The following CCNY variants were observed in gnomAD, a reference collection of about 807,000 sequenced individuals.
CCNY encodes cyclin-Y.
Under a neutral mutation model 42.8 loss-of-function variants are expected in CCNY, and 19 were observed. That is an observed-to-expected ratio of 0.44 (90% CI 0.31 to 0.65). The LOEUF (loss-of-function observed/expected upper bound fraction) is 0.65. Among genes scored for constraint, CCNY ranks in the 30% least tolerant of loss-of-function variants. The pLI is 0.07. For synonymous variants in CCNY, 165 were observed against 162.7 expected (o/e 1.01, Z -0.11); for missense variants, 370 against 437.3 (o/e 0.85, Z 1.37).
intron 1 of CCNY, among the ~76,000 whole-genome samples, chr10:35,368,988 C>T (rs979520765): frequency 6.6e-6 from 1 of 152,192 alleles, no homozygotes; most frequent in Non-Finnish European, 1.5e-5. Context: ...CTCCACTTTT[C>T]TGGTGTACAG....
intron 8 of CCNY, among the ~76,000 whole-genome samples, chr10:35,560,002 G>A (rs1841435157): frequency 6.9e-6 from 1 of 145,744 alleles, no homozygotes; most frequent in African/African-American, 2.8e-5. Context: ...TCTTTCTTTT[G>A]GAAGGAAAGG....
chr10:35,379,982 C>G (rs1783413048), intron 1 of CCNY, among the ~76,000 whole-genome samples: 1 of 152,132 alleles, frequency 6.6e-6, no homozygotes, highest in Admixed American at 6.5e-5. Context: ...CCACTCAGCG[C>G]AGTAAAAAAA....
chr10:35,557,903 G>C (rs1189778197), intron 8 of CCNY, among the ~76,000 whole-genome samples: 1 of 152,200 alleles, frequency 6.6e-6, no homozygotes, highest in African/African-American at 2.4e-5. Flanking sequence ...CTGAGCATCA[G>C]TTTTATTCCC....
chr10:35,483,930 C>T (rs1327503585), intron 2 of CCNY, among the ~76,000 whole-genome samples: 1 of 151,996 alleles, frequency 6.6e-6, no homozygotes, highest in Non-Finnish European at 1.5e-5. Context: ...CAGATGTTTT[C>T]TTTCTCTTTT....
chr10:35,473,184 T>C (rs778521441), intron 1 of CCNY, among the ~76,000 whole-genome samples: 2 of 152,182 alleles, frequency 1.3e-5, no homozygotes, highest in Non-Finnish European at 2.9e-5. Context: ...CCTGAATCAA[T>C]TGTAATTTTG....
At chr10:35,343,382 CTTTTTT>C (rs9299720) in intron 1 of CCNY, among the ~76,000 whole-genome samples, 2 of 85,902 alleles carry the variant, frequency 2.3e-5, no homozygotes, top group Non-Finnish European at 4.2e-5. Context: ...AGCTGATGGT[CTTTTTT>C]TTTTTTTTTT....
intron 4 of CCNY, 97 bp downstream of exon 4, chr10:35,516,720 C>A: frequency 1.4e-6 from 1 of 721,534 alleles, no homozygotes; most frequent in Non-Finnish European, 2.1e-6. Context: ...GTTCCTTAAC[C>A]TGACAGCTAA....
At chr10:35,435,642 C>T (rs1422906143) in intron 1 of CCNY, among the ~76,000 whole-genome samples, 1 of 152,200 alleles carries the variant, frequency 6.6e-6, no homozygotes, top group African/African-American at 2.4e-5. Context: ...TGTGTTCTTT[C>T]TGGGTTACCT....
chr10:35,270,638 C>T (rs184512787), intron 3 of CCNY, among the ~76,000 whole-genome samples: 2 of 152,252 alleles, frequency 1.3e-5, no homozygotes, highest in East Asian at 1.9e-4. Context: ...GCCAATCATG[C>T]TGTCGCTTTT....
intron 3 of CCNY, among the ~76,000 whole-genome samples, chr10:35,294,146 A>G (rs930577453): frequency 2.0e-5 from 3 of 152,202 alleles, no homozygotes; most frequent in African/African-American, 7.2e-5. Context: ...CTCATAGCTT[A>G]GTTTTAAGGC....
intron 4 of CCNY, 59 bp downstream of exon 4, chr10:35,516,682 T>A (rs1366106618): frequency 9.3e-7 from 1 of 1,070,344 alleles, no homozygotes. Flanking sequence ...TTTTTTTTTT[T>A]TTTTTTACTT....
chr10:35,513,355 A>C (rs139940823), intron 3 of CCNY, among the ~76,000 whole-genome samples: 1 of 152,326 alleles, frequency 6.6e-6, no homozygotes, highest in African/African-American at 2.4e-5. Context: ...CAAGACACTT[A>C]CTGTATTTGG....
At chr10:35,278,490 G>A (rs1835263832) in intron 3 of CCNY, among the ~76,000 whole-genome samples, 1 of 152,072 alleles carries the variant, frequency 6.6e-6, no homozygotes, top group African/African-American at 2.4e-5. Context: ...CTTAGAGTCT[G>A]CTTCCCAGGA....
At chr10:35,528,655 G>A (rs1014332916) in intron 5 of CCNY, among the ~76,000 whole-genome samples, 2 of 152,202 alleles carry the variant, frequency 1.3e-5, no homozygotes, top group African/African-American at 2.4e-5. Context: ...AACCCGGGAG[G>A]TGGAGGTTGC....
At chr10:35,559,515 A>G (rs1054196460) in intron 8 of CCNY, among the ~76,000 whole-genome samples, 1 of 152,236 alleles carries the variant, frequency 6.6e-6, no homozygotes, top group Non-Finnish European at 1.5e-5. Context: ...CCATATGGCA[A>G]AAAAATGGGA....
intron 1 of CCNY, among the ~76,000 whole-genome samples, chr10:35,345,948 A>G (rs372261195): frequency 6.6e-6 from 1 of 152,160 alleles, no homozygotes; most frequent in African/African-American, 2.4e-5. Flanking sequence ...CTCCTGGGGT[A>G]ATGGAACCCA....
Position 35,390,649 on chromosome 10 carries a change from C to T in CCNY, c.154+53442C>T, listed in dbSNP as rs530782818. The stretch of plus-strand genomic sequence containing the variant: ...AGAGTTGCAGTCTCATTTCCCTCTG[C>T]TTCCCAGCCTATGTGCAGGGCAGAC... On this transcript the variant is annotated intron_variant, in intron 1 of 9. Coordinates refer to ENST00000374704, the MANE Select transcript of CCNY (RefSeq NM_145012.6). 3.3e-5 allele frequency among the ~76,000 whole-genome samples: 5 copies of T among 152,282 alleles called. No homozygotes were observed. In the South Asian group the frequency reaches 1.0e-3, roughly 32 times the overall value.
chr10:35,247,380 G>A (rs956951611), intron 1 of CCNY, among the ~76,000 whole-genome samples: 2 of 151,786 alleles, frequency 1.3e-5, no homozygotes, highest in Non-Finnish European at 2.9e-5. Flanking sequence ...AATCACTGGA[G>A]CCCAGCAGTT....
intron 1 of CCNY, among the ~76,000 whole-genome samples, chr10:35,476,660 C>A (rs531784031): frequency 1.3e-5 from 2 of 150,568 alleles, no homozygotes; most frequent in Non-Finnish European, 3.0e-5. Flanking sequence ...ATTTATAGCA[C>A]TAAATGCCCA....
Sources: allele counts gnomAD v4.1 joint callset (sites outside exome capture counted in the v4.1 genomes callset), GRCh38; gene constraint gnomAD v4.1.1; transcripts MANE v1.5; gene names NCBI Gene and HGNC (gene_info 2026-07-23, HGNC 2026-07-21).